The following COMMD10 variants were observed in gnomAD, a reference collection of about 807,000 sequenced individuals.
COMMD10 encodes the protein COMM domain-containing protein 10.
Under a neutral mutation model 28.9 loss-of-function variants are expected in COMMD10, and 33 were observed. The ratio of observed to expected loss-of-function variants is 1.14; its 90% CI spans 0.87 to 1.53. The LOEUF is 1.53. COMMD10 is among the 40% of genes most tolerant of loss of function. The pLI, the probability that COMMD10 is intolerant of heterozygous loss-of-function variation, is 0.00. For missense variants in COMMD10, 310 were observed against 233.4 expected, an observed-to-expected ratio of 1.33 and a Z score of -2.14; for synonymous variants, 110 against 81.7, an observed-to-expected ratio of 1.35 and a Z score of -1.87.
intron 4 of COMMD10, among the ~76,000 whole-genome samples, chr5:116,102,013 C>G (rs1750681583): frequency 6.6e-6 from 1 of 152,068 alleles, no homozygotes; most frequent in African/African-American, 2.4e-5. Flanking sequence ...TGCAGGTTTT[C>G]TATGTACTAT....
At chr5:116,253,234 A>C (rs1260779522) in intron 5 of COMMD10, among the ~76,000 whole-genome samples, 1 of 120,654 alleles carries the variant, frequency 8.3e-6, no homozygotes, top group Non-Finnish European at 1.7e-5. Flanking sequence ...CAATCATGTC[A>C]TCTGCAAACA....
intron 5 of COMMD10, 26 bp from the exon 6 acceptor site, chr5:116,291,491 C>T: frequency 1.3e-6 from 2 of 1,536,602 alleles, no homozygotes; most frequent in Non-Finnish European, 1.8e-6. Flanking sequence ...CAACTACATT[C>T]TTTTTGTTGT....
intron 5 of COMMD10, among the ~76,000 whole-genome samples, chr5:116,261,308 A>T (rs1220054636): frequency 2.0e-5 from 3 of 151,694 alleles, no homozygotes; most frequent in Non-Finnish European, 4.4e-5. Context: ...TGAAAATTGT[A>T]GATGTGACCG....
chr5:116,195,129 A>G (rs1281809118), intron 5 of COMMD10, among the ~76,000 whole-genome samples: 1 of 152,180 alleles, frequency 6.6e-6, no homozygotes, highest in African/African-American at 2.4e-5. Flanking sequence ...TTATGATTAA[A>G]ACTCTCAACA....
At chr5:116,292,420 C>G (rs6866938) in intron 6 of COMMD10, 31 bp from the exon 7 acceptor site, 1 of 1,397,048 alleles carries the variant, frequency 7.2e-7, no homozygotes, top group Non-Finnish European at 9.5e-7. Context: ...CCTTCACTAA[C>G]GTCTTTTTTT....
chr5:116,169,650 C>T (rs958019817), intron 5 of COMMD10, among the ~76,000 whole-genome samples: 3 of 152,086 alleles, frequency 2.0e-5, no homozygotes, highest in African/African-American at 4.8e-5. Flanking sequence ...ATGATCAAGT[C>T]AGCTTCATCC....
chr5:116,293,220 A>T lies in COMMD10; in HGVS notation c.*731A>T, dbSNP rs1055623895. 2.6e-6 allele frequency: 1 copy of T among 382,176 alleles called. No homozygotes were observed. Among genetic ancestry groups the T allele is most frequent in the Non-Finnish European group, 4.6e-6 (1 of 215,906 alleles). 23.7% of individuals were successfully genotyped at this position (382,176 alleles called of 1,614,324 possible). ...CTAAATGGGCACCATTATTCGAATC[A>T]GATACCTTTTATATTCTCTTTCCAT... On this transcript the variant is annotated 3_prime_UTR_variant, in exon 7 of 7. Coordinates refer to ENST00000274458, the MANE Select transcript of COMMD10 (RefSeq NM_016144.4).
chr5:116,106,586 T>A (rs139628008), intron 4 of COMMD10, among the ~76,000 whole-genome samples: 9,283 of 152,202 alleles, frequency 0.061, 445 homozygotes, highest in African/African-American at 0.13. Flanking sequence ...TAGTGGGGTG[T>A]TAAAGTCTCT....
intron 5 of COMMD10, among the ~76,000 whole-genome samples, chr5:116,179,884 G>GA (rs1747889237): frequency 6.6e-6 from 1 of 152,030 alleles, no homozygotes; most frequent in Admixed American, 6.6e-5. Flanking sequence ...TTTCTTGGGG[G>GA]AAAATGATTG....
intron 5 of COMMD10, among the ~76,000 whole-genome samples, chr5:116,158,777 G>A (rs916663371): frequency 2.0e-5 from 3 of 151,754 alleles, no homozygotes; most frequent in Non-Finnish European, 4.4e-5. Context: ...TTAATCTAAT[G>A]GATTTGAGGA....
chr5:116,095,860 A>G (rs1334505632), intron 4 of COMMD10, among the ~76,000 whole-genome samples: 1 of 151,830 alleles, frequency 6.6e-6, no homozygotes, highest in African/African-American at 2.4e-5. Flanking sequence ...CTCCAATGTG[A>G]TTTGTTGTTA....
At chr5:116,105,717 T>C (rs935312142) in intron 4 of COMMD10, among the ~76,000 whole-genome samples, 4 of 152,234 alleles carry the variant, frequency 2.6e-5, no homozygotes, top group African/African-American at 9.6e-5. Flanking sequence ...GTTTATCCAT[T>C]TCTTCTAGAT....
intron 5 of COMMD10, among the ~76,000 whole-genome samples, chr5:116,255,564 G>T (rs962588552): frequency 6.6e-6 from 1 of 151,424 alleles, no homozygotes; most frequent in Non-Finnish European, 1.5e-5. Context: ...AGTCTTAGGA[G>T]TCTGCAGAAA....
At chr5:116,088,777 C>A (rs757711999) in intron 2 of COMMD10, among the ~76,000 whole-genome samples, 7 of 152,184 alleles carry the variant, frequency 4.6e-5, no homozygotes, top group Non-Finnish European at 1.0e-4. Flanking sequence ...TTTGTTCTTT[C>A]TTCTGTGCTC....
At chr5:116,264,841 T>TC (rs1271694255) in intron 5 of COMMD10, among the ~76,000 whole-genome samples, 2 of 151,882 alleles carry the variant, frequency 1.3e-5, no homozygotes, top group African/African-American at 4.9e-5. Context: ...CATTATTTGA[T>TC]TTTTATAGCA....
At chr5:116,270,928 A>G (rs1459101155) in intron 5 of COMMD10, among the ~76,000 whole-genome samples, 1 of 151,608 alleles carries the variant, frequency 6.6e-6, no homozygotes, top group Non-Finnish European at 1.5e-5. Flanking sequence ...AACGAGCAAA[A>G]CTCTGTCTCA....
At chr5:116,269,592 T>C (rs997051455) in intron 5 of COMMD10, among the ~76,000 whole-genome samples, 1 of 151,942 alleles carries the variant, frequency 6.6e-6, no homozygotes, top group African/African-American at 2.4e-5. Flanking sequence ...TTTATAAAAT[T>C]ATATGTTTTA....
At chr5:116,102,374 A>G (rs544922501) in intron 4 of COMMD10, among the ~76,000 whole-genome samples, 1 of 152,218 alleles carries the variant, frequency 6.6e-6, no homozygotes, top group South Asian at 2.1e-4. Context: ...GTAAATATGT[A>G]GCTTTATTTC....
intron 5 of COMMD10, among the ~76,000 whole-genome samples, chr5:116,176,503 T>C (rs975768689): frequency 1.3e-5 from 2 of 152,194 alleles, no homozygotes; most frequent in African/African-American, 4.8e-5. Context: ...ACCACTGTTA[T>C]TCCAAGTCCT....
Sources: gnomAD v4.1 joint callset for allele counts (sites outside exome capture counted in the v4.1 genomes callset) on GRCh38, gnomAD v4.1.1 for gene constraint, MANE v1.5 for transcripts, NCBI Gene and HGNC (gene_info 2026-07-23, HGNC 2026-07-21) for gene names.